FRMD7: variants seen among roughly 807,000 people sequenced by gnomAD.
The protein encoded by FRMD7 is FERM domain-containing protein 7.
FRMD7 carries 14 observed loss-of-function variants against 44.1 expected under a neutral mutation model. The ratio of observed to expected loss-of-function variants is 0.32; its 90% confidence interval spans 0.21 to 0.50. The LOEUF (loss-of-function observed/expected upper bound fraction) is 0.50. Among genes scored for constraint, FRMD7 ranks in the 20% least tolerant of loss-of-function variants. The probability of loss-of-function intolerance (pLI) is 0.99; values close to 1 mark genes in which losing one functional copy is unlikely to be tolerated. For missense variants in FRMD7, 501 were observed against 522.3 expected (o/e 0.96, Z 0.40); for synonymous variants, 212 against 187.4 (o/e 1.13, Z -1.07).
chrX:132,105,305 G>GTA (rs1928617062), intron 1 of FRMD7, among the ~76,000 whole-genome samples: 1 of 111,534 alleles, frequency 9.0e-6, no homozygotes, highest in African/African-American at 3.3e-5. Flanking sequence ...TGAGATGTCT[G>GTA]TATATATATG....
chrX:132,105,128 A>G (rs1289113931), intron 1 of FRMD7, among the ~76,000 whole-genome samples: 2 of 111,925 alleles, frequency 1.8e-5, no homozygotes, highest in Admixed American at 1.9e-4. Flanking sequence ...TCCACATTAA[A>G]TAAACCAAGA....
At chrX:132,105,514 A>T (rs776473730) in intron 1 of FRMD7, among the ~76,000 whole-genome samples, 3 of 111,993 alleles carry the variant, frequency 2.7e-5, no homozygotes, top group South Asian at 3.7e-4. Flanking sequence ...AAATTTTTTT[A>T]AATTCACGTT....
rs146667353 is a variant in FRMD7, at chrX:132,103,088, C to T, written c.58-2372G>A. 2.7e-4 allele frequency among the ~76,000 whole-genome samples: 30 copies of T among 111,803 alleles called. No homozygotes were observed. The East Asian group carries it at 7.0e-3, about 26-fold the overall frequency. On this transcript the variant is annotated intron_variant, in intron 1 of 11. Transcript: ENST00000298542. ...TGGCTCAAGCTTTCCACCCCATCTC[C>T]GCGAGAGGCATTTTCCTTCAGTCCT...
At chrX:132,112,886 C>T (rs1160279458) in intron 1 of FRMD7, among the ~76,000 whole-genome samples, 1 of 111,716 alleles carries the variant, frequency 9.0e-6, no homozygotes, top group African/African-American at 3.3e-5. Flanking sequence ...AGGCCTTATG[C>T]AGGCCTGACA....
At chrX:132,082,956 C>A (rs183058691) in intron 8 of FRMD7, among the ~76,000 whole-genome samples, 2 of 111,654 alleles carry the variant, frequency 1.8e-5, no homozygotes, top group African/African-American at 6.5e-5. Context: ...GTACATAAGT[C>A]TGTTGTTTTC....
chrX:132,079,111 A>C, intron 11 of FRMD7, 145 bp from the exon 12 acceptor site: 1 of 533,998 alleles, frequency 1.9e-6, no homozygotes, highest in Non-Finnish European at 3.3e-6. Context: ...AGGGTAGATA[A>C]ATATATAAAG....
At chrX:132,127,734 T>A (rs1929190265) in intron 1 of FRMD7, 54 bp downstream of exon 1, 2 of 967,997 alleles carry the variant, frequency 2.1e-6, no homozygotes, top group African/African-American at 3.8e-5. Flanking sequence ...TGTTCACAAA[T>A]GACAATTATT....
At chrX:132,117,189 T>C (rs1200801027) in intron 1 of FRMD7, among the ~76,000 whole-genome samples, 2 of 112,080 alleles carry the variant, frequency 1.8e-5, no homozygotes, top group African/African-American at 6.5e-5. Context: ...AAAAGAGTAA[T>C]AATTGTAGGC....
intron 1 of FRMD7, among the ~76,000 whole-genome samples, chrX:132,113,199 GT>G (rs1429183809): frequency 8.9e-6 from 1 of 111,924 alleles, no homozygotes; most frequent in Admixed American, 9.4e-5. Context: ...AATTATAATT[GT>G]TTGTCTCCAC....
chrX:132,094,257 G>A, intron 4 of FRMD7, 118 bp from the exon 5 acceptor site: 1 of 523,369 alleles, frequency 1.9e-6, no homozygotes, highest in Non-Finnish European at 3.4e-6. Context: ...TCAGTCAGAT[G>A]CCTTTTTGGG....
chrX:132,105,302 T>A (rs968146249), intron 1 of FRMD7, among the ~76,000 whole-genome samples: 7 of 111,818 alleles, frequency 6.3e-5, no homozygotes, highest in Non-Finnish European at 1.1e-4. Context: ...ATTTGAGATG[T>A]CTGTATATAT....
chrX:132,101,345 T>G (rs1928493148), intron 1 of FRMD7, among the ~76,000 whole-genome samples: 1 of 111,749 alleles, frequency 8.9e-6, no homozygotes, highest in Non-Finnish European at 1.9e-5. Context: ...CCACATTTCT[T>G]TGGTTTGGCT....
intron 1 of FRMD7, among the ~76,000 whole-genome samples, chrX:132,111,011 C>T (rs1419842797): frequency 9.0e-6 from 1 of 110,685 alleles, no homozygotes; most frequent in Non-Finnish European, 1.9e-5. Context: ...ATACTGAGAC[C>T]CTGTCTCTAT....
chrX:132,082,932 T>C (rs772139182), intron 8 of FRMD7, among the ~76,000 whole-genome samples: 1 of 112,090 alleles, frequency 8.9e-6, no homozygotes, highest in South Asian at 3.8e-4. Flanking sequence ...GAAGGGTTTA[T>C]AAGATGATTA....
In FRMD7 at chrX:132,077,748, A is replaced by G; in HGVS notation, c.*124T>C. ...GGATCTTTCATAAGGCAGGCATCCA[A>G]AATGAGATTTCCTTAATACCAATGA... On this transcript the variant is annotated 3_prime_UTR_variant, in exon 12 of 12. Transcript: ENST00000298542. 1 of 1,019,861 alleles carries G rather than the reference A, an allele frequency of 9.8e-7. No individual in the cohort carries two copies. Among genetic ancestry groups the G allele is most frequent in the Non-Finnish European group, 1.3e-6 (1 of 748,395 alleles). 84.0% of individuals were successfully genotyped at this position (1,019,861 alleles called of 1,213,427 possible).
chrX:132,111,066 C>T (rs113471339), intron 1 of FRMD7, among the ~76,000 whole-genome samples: 2,123 of 111,016 alleles, frequency 0.019, 21 homozygotes, highest in Non-Finnish European at 0.029. Flanking sequence ...TCCCTGTAGT[C>T]CCAGTGACTC....
chrX:132,111,571 A>G (rs1928779637), intron 1 of FRMD7, among the ~76,000 whole-genome samples: 1 of 112,130 alleles, frequency 8.9e-6, no homozygotes. Context: ...TAGTATAAGC[A>G]CATTGTCATT....
chrX:132,100,558 C>T lies in FRMD7; in HGVS notation c.162+54G>A. 4 of 835,923 alleles carry T rather than the reference C, an allele frequency of 4.8e-6. No homozygotes were observed. In the South Asian group the frequency reaches 6.0e-5, roughly 13 times the overall value. The allele number at this position is 835,923 out of a possible 1,213,427, so 68.9% of individuals were successfully genotyped here. On this transcript the variant is annotated intron_variant, in intron 2 of 11. Transcript: ENST00000298542. ...TGAACCCTACATACCTAGCTGCAAA[C>T]TGCATTTAGAAGCAATGCTAGACAC...
intron 7 of FRMD7, 144 bp downstream of exon 7, chrX:132,085,437 A>G: frequency 1.9e-6 from 1 of 537,168 alleles, no homozygotes; most frequent in Non-Finnish European, 3.2e-6. Flanking sequence ...TCATGCAACT[A>G]CAAGTAAATA....
Sources: gnomAD v4.1 joint callset for allele counts (sites outside exome capture counted in the v4.1 genomes callset) on GRCh38, gnomAD v4.1.1 for gene constraint, MANE v1.5 for transcripts, NCBI Gene and HGNC (gene_info 2026-07-23, HGNC 2026-07-21) for gene names.